CERS3: variants seen among roughly 807,000 people sequenced by gnomAD.
CERS3 encodes LAG1 homolog, ceramide synthase 3.
CERS3 carries 33 observed loss-of-function variants against 50.3 expected under a neutral mutation model. That is an observed-to-expected ratio of 0.66 (90% CI 0.50 to 0.88). The LOEUF is 0.88. CERS3 is among the 40% of genes least tolerant of loss of function. The pLI, the probability that CERS3 is intolerant of heterozygous loss-of-function variation, is 0.00. For synonymous variants in CERS3, 176 were observed against 155.2 expected, an observed-to-expected ratio of 1.13 and a Z score of -0.99; for missense variants, 470 against 460.3, an observed-to-expected ratio of 1.02 and a Z score of -0.19.
At chr15:100,489,837 G>A (rs2035598269) in intron 4 of CERS3, among the ~76,000 whole-genome samples, 1 of 152,228 alleles carries the variant, frequency 6.6e-6, no homozygotes, top group African/African-American at 2.4e-5. Flanking sequence ...GAACAAGTTA[G>A]AGCCAGCTCT....
chr15:100,498,643 GCCC>G (rs980948442), intron 3 of CERS3, among the ~76,000 whole-genome samples: 1 of 152,062 alleles, frequency 6.6e-6, no homozygotes, highest in African/African-American at 2.4e-5. Context: ...CACCCAGACG[GCCC>G]CCCCTTTGTC....
At chr15:100,539,727 A>T (rs2142435580) in intron 1 of CERS3, among the ~76,000 whole-genome samples, 1 of 152,340 alleles carries the variant, frequency 6.6e-6, no homozygotes, top group Admixed American at 6.5e-5. Context: ...GGACACAAAG[A>T]TTAACCATAT....
intron 2 of CERS3, among the ~76,000 whole-genome samples, chr15:100,512,445 A>G (rs2036371454): frequency 6.6e-6 from 1 of 152,124 alleles, no homozygotes; most frequent in Non-Finnish European, 1.5e-5. Context: ...GATACCTGCT[A>G]ATGAGCAGCT....
chr15:100,432,802 CAG>C (rs531204061), intron 11 of CERS3, among the ~76,000 whole-genome samples: 18 of 152,310 alleles, frequency 1.2e-4, no homozygotes, highest in Admixed American at 8.5e-4. Context: ...CCTGCAGAAA[CAG>C]AGTCACGGAA....
intron 3 of CERS3, among the ~76,000 whole-genome samples, chr15:100,491,381 G>C (rs1010988096): frequency 6.6e-6 from 1 of 152,036 alleles, no homozygotes; most frequent in African/African-American, 2.4e-5. Flanking sequence ...TAGGATTGAC[G>C]GGTGGTAGGG....
chr15:100,418,960 C>T (rs1440907026), intron 11 of CERS3, among the ~76,000 whole-genome samples: 1 of 126,850 alleles, frequency 7.9e-6, no homozygotes, highest in Admixed American at 8.4e-5. Flanking sequence ...ACAACCAGTA[C>T]CAGCCACTGC....
intron 1 of CERS3, among the ~76,000 whole-genome samples, chr15:100,538,021 G>T (rs2037114137): frequency 6.6e-6 from 1 of 152,174 alleles, no homozygotes; most frequent in Non-Finnish European, 1.5e-5. Flanking sequence ...GGGACTACAG[G>T]CCCTATGCAA....
At chr15:100,523,468 G>A (rs539098941) in intron 1 of CERS3, among the ~76,000 whole-genome samples, 7 of 152,190 alleles carry the variant, frequency 4.6e-5, no homozygotes, top group African/African-American at 1.7e-4. Flanking sequence ...TTGGGAGGCT[G>A]AGGCAAGCAG....
At chr15:100,514,897 CTT>C (rs922553417) in intron 2 of CERS3, among the ~76,000 whole-genome samples, 1 of 151,876 alleles carries the variant, frequency 6.6e-6, no homozygotes, top group Non-Finnish European at 1.5e-5. Flanking sequence ...ATTAGGAAAA[CTT>C]ATCACTCTTT....
intron 11 of CERS3, among the ~76,000 whole-genome samples, chr15:100,432,709 T>C (rs1371938834): frequency 6.6e-6 from 1 of 152,112 alleles, no homozygotes. Flanking sequence ...CAGCATGTCT[T>C]AGGAGGTACG....
chr15:100,413,611 A>C (rs948024686), intron 11 of CERS3, among the ~76,000 whole-genome samples: 20 of 152,024 alleles, frequency 1.3e-4, no homozygotes, highest in Admixed American at 6.6e-5. Flanking sequence ...ATAAGATAAA[A>C]TCTCATGTGC....
intron 10 of CERS3, among the ~76,000 whole-genome samples, chr15:100,460,900 C>T (rs941734921): frequency 1.3e-5 from 2 of 152,158 alleles, no homozygotes; most frequent in Non-Finnish European, 2.9e-5. Context: ...AATGACAGGG[C>T]ATATGGCAGG....
chr15:100,527,821 T>C (rs946178947), intron 1 of CERS3, among the ~76,000 whole-genome samples: 1 of 152,252 alleles, frequency 6.6e-6, no homozygotes, highest in East Asian at 1.9e-4. Context: ...GGCAGAAATA[T>C]TGTGAATGAG....
intron 10 of CERS3, among the ~76,000 whole-genome samples, chr15:100,464,061 C>T (rs28534881): frequency 6.6e-6 from 1 of 152,154 alleles, no homozygotes; most frequent in Admixed American, 6.5e-5. Context: ...ATAATATTCC[C>T]TTTCACATGT....
At chr15:100,538,567 C>A (rs1224639513) in intron 1 of CERS3, among the ~76,000 whole-genome samples, 1 of 152,236 alleles carries the variant, frequency 6.6e-6, no homozygotes, top group Non-Finnish European at 1.5e-5. Flanking sequence ...ATGGCCTGGG[C>A]TCTATGTTGG....
chr15:100,406,937 A>AAG (rs1037777186), intron 11 of CERS3, among the ~76,000 whole-genome samples: 6 of 151,732 alleles, frequency 4.0e-5, no homozygotes, highest in South Asian at 2.1e-4. Flanking sequence ...GCAGCGGGCA[A>AAG]AGAGAGAGAG....
At chr15:100,496,529 C>T (rs1422476611) in intron 3 of CERS3, among the ~76,000 whole-genome samples, 3 of 151,968 alleles carry the variant, frequency 2.0e-5, no homozygotes, top group Admixed American at 6.6e-5. Context: ...TAGTGGGTAG[C>T]GAGGGTATTA....
chr15:100,494,703 G>A (rs1282315989), intron 3 of CERS3, among the ~76,000 whole-genome samples: 1 of 152,096 alleles, frequency 6.6e-6, no homozygotes, highest in East Asian at 1.9e-4. Flanking sequence ...GCATATGTTG[G>A]AGCACACCTT....
At chr15:100,403,670 A>G (rs1161920421) in intron 11 of CERS3, among the ~76,000 whole-genome samples, 2 of 152,252 alleles carry the variant, frequency 1.3e-5, no homozygotes, top group Non-Finnish European at 2.9e-5. Context: ...CTCAAAAACT[A>G]CAAACTACTA....
Sources: gnomAD v4.1 joint callset for allele counts (sites outside exome capture counted in the v4.1 genomes callset) on GRCh38, gnomAD v4.1.1 for gene constraint, MANE v1.5 for transcripts, NCBI Gene and HGNC (gene_info 2026-07-23, HGNC 2026-07-21) for gene names.